Variants in BCAS3 observed in about 807,000 individuals in gnomAD.
BCAS3 encodes BCAS3 microtubule associated cell migration factor.
BCAS3 carries 53 observed loss-of-function variants against 116.1 expected under a neutral mutation model. The ratio of observed to expected loss-of-function variants is 0.46; its 90% CI spans 0.37 to 0.57. The LOEUF is 0.57. Ranked by LOEUF, BCAS3 falls within the 20% of genes least tolerant of loss-of-function variation. BCAS3 has a pLI of 0.00. For synonymous variants in BCAS3, 391 were observed against 408.2 expected (o/e 0.96, Z 0.51); for missense variants, 917 against 1,165.4 (o/e 0.79, Z 3.10).
intron 22 of BCAS3, among the ~76,000 whole-genome samples, chr17:61,341,416 C>T (rs2057141684): frequency 6.6e-6 from 1 of 152,126 alleles, no homozygotes; most frequent in Non-Finnish European, 1.5e-5. Context: ...AGAGAGTGAG[C>T]GTATGGACAC....
In BCAS3 at chr17:60,832,110, T is replaced by G. The variant is rs117714453; in HGVS notation, c.476+24034T>G. Among the ~76,000 whole-genome samples, 320 of 152,310 alleles carry G rather than the reference T, an allele frequency of 2.1e-3. 6 individuals carry two copies. The highest frequency in any genetic ancestry group is 0.017 in the East Asian group (87 of 5,176). On this transcript the variant is annotated intron_variant, in intron 7 of 23. Transcript: ENST00000407086. ...CTATTAAGTATAAAACTGCTGCAAT[T>G]GGTGCCGTTTTAAATTATTAAACAC...
chr17:61,030,955 TA>T (rs201507242), intron 16 of BCAS3, among the ~76,000 whole-genome samples: 4 of 151,026 alleles, frequency 2.6e-5, no homozygotes, highest in East Asian at 1.9e-4. Context: ...ATAACCATTT[TA>T]AAAAAAAATG....
In BCAS3 at chr17:61,381,232, A is replaced by T. The variant is rs1053671604; in HGVS notation, c.2594-10745A>T. Among the ~76,000 whole-genome samples, 1 of 152,228 alleles carries T rather than the reference A, an allele frequency of 6.6e-6. No homozygotes were observed. Among genetic ancestry groups the T allele is most frequent in the Non-Finnish European group, 1.5e-5 (1 of 68,042 alleles). On this transcript the variant is annotated intron_variant, in intron 23 of 23. Coordinates refer to ENST00000407086, the MANE Select transcript of BCAS3 (RefSeq NM_017679.5). This position sits in a 1 kb window ranked among gnomAD's most constrained non-coding sequence, Gnocchi z 6.0. ...TCTTAATACACCAAAGTGGAATTGC[A>T]TTTCTAGATTTGTTATTCCTCCTGG... is the stretch of plus-strand genomic sequence containing the variant.
chr17:60,892,075 C>T (rs2057191961), intron 10 of BCAS3, among the ~76,000 whole-genome samples: 1 of 152,128 alleles, frequency 6.6e-6, no homozygotes, highest in African/African-American at 2.4e-5. Flanking sequence ...AGTTTGGTTC[C>T]ATGACTTTGC....
chr17:60,712,349 C>T (rs970496309), intron 5 of BCAS3, among the ~76,000 whole-genome samples: 3 of 151,116 alleles, frequency 2.0e-5, no homozygotes, highest in African/African-American at 7.4e-5. Context: ...GCACTCCAGC[C>T]TGGGTGACAG....
In BCAS3 at chr17:61,145,057, A is replaced by G. The variant is rs2077121736; in HGVS notation, c.2425+60493A>G. 6.6e-6 allele frequency among the ~76,000 whole-genome samples: 1 copy of G among 152,222 alleles called. No individual in the cohort carries two copies. The highest frequency in any genetic ancestry group is 1.5e-5 in the Non-Finnish European group (1 of 68,036). On this transcript the variant is annotated intron_variant, in intron 22 of 23. Transcript: ENST00000407086. This position sits in a 1 kb window ranked among gnomAD's most constrained non-coding sequence, Gnocchi z 5.0. Reference sequence around the variant, plus strand: ...GATAACAACTCCAGGCCAGCTGTCAAATGTTTACCATTATCAAAACTCTCC... The same window carrying G: ...GATAACAACTCCAGGCCAGCTGTCAGATGTTTACCATTATCAAAACTCTCC...
At chr17:60,983,386 A>T (rs2062931772) in intron 14 of BCAS3, among the ~76,000 whole-genome samples, 2 of 152,144 alleles carry the variant, frequency 1.3e-5, no homozygotes, top group South Asian at 4.1e-4. Flanking sequence ...GTTAACTAAT[A>T]GCAACAGTTA....
chr17:61,320,556 C>A (rs2055129060), intron 22 of BCAS3, among the ~76,000 whole-genome samples: 1 of 151,892 alleles, frequency 6.6e-6, no homozygotes, highest in South Asian at 2.1e-4. Context: ...GTGGCGGGCG[C>A]CTGTACCTGC....
At chr17:60,985,910 T>C (rs1231091242) in intron 14 of BCAS3, among the ~76,000 whole-genome samples, 1 of 152,158 alleles carries the variant, frequency 6.6e-6, no homozygotes, top group African/African-American at 2.4e-5. Flanking sequence ...CTAATTTTTG[T>C]ATTTTTAGTA....
At chr17:60,706,636 A>G (rs1433105922) in intron 4 of BCAS3, among the ~76,000 whole-genome samples, 1 of 151,852 alleles carries the variant, frequency 6.6e-6, no homozygotes, top group Non-Finnish European at 1.5e-5. Context: ...ACCAGCTGGG[A>G]CAACATGACA....
intron 22 of BCAS3, among the ~76,000 whole-genome samples, chr17:61,269,427 A>G (rs1022656229): frequency 2.0e-5 from 3 of 151,840 alleles, no homozygotes; most frequent in African/African-American, 4.8e-5. Flanking sequence ...TATATTTTCA[A>G]TTCTTTTGAA....
intron 13 of BCAS3, among the ~76,000 whole-genome samples, chr17:60,934,353 T>C (rs954648149): frequency 6.6e-6 from 1 of 152,220 alleles, no homozygotes; most frequent in African/African-American, 2.4e-5. Flanking sequence ...TCATGGAATA[T>C]GTGAATGCAT....
intron 7 of BCAS3, among the ~76,000 whole-genome samples, chr17:60,819,742 AC>A (rs1568319841): frequency 7.2e-6 from 1 of 139,614 alleles, no homozygotes; most frequent in Non-Finnish European, 1.5e-5. Flanking sequence ...CTTCCCTCCT[AC>A]CCTCCCCCTC....
rs558514760 is a variant in BCAS3 at position 60,950,216 on chromosome 17, T to C, written c.1221+2864T>C. Among the ~76,000 whole-genome samples, 17 of 152,266 alleles carry C rather than the reference T, an allele frequency of 1.1e-4. No homozygotes were observed. The South Asian group carries it at 3.5e-3, about 32-fold the overall frequency. Reference sequence around the variant, plus strand: ...AGTGATGCAAAAGTATTTACAGATGTCTGGAATTTGCTTTGAAATGATCTA... The same window carrying C: ...AGTGATGCAAAAGTATTTACAGATGCCTGGAATTTGCTTTGAAATGATCTA... On this transcript the variant is annotated intron_variant, in intron 14 of 23. Coordinates refer to ENST00000407086, the MANE Select transcript of BCAS3 (RefSeq NM_017679.5).
intron 10 of BCAS3, among the ~76,000 whole-genome samples, chr17:60,898,549 T>C (rs2057666455): frequency 6.6e-6 from 1 of 152,164 alleles, no homozygotes; most frequent in African/African-American, 2.4e-5. Context: ...TGCTGGAGAC[T>C]GGGATGCCAG....
At chr17:60,812,564 G>A (rs930337965) in intron 7 of BCAS3, among the ~76,000 whole-genome samples, 3 of 152,148 alleles carry the variant, frequency 2.0e-5, no homozygotes, top group Admixed American at 6.5e-5. Flanking sequence ...AGATTAAGTT[G>A]CTCCAGGGGA....
At chr17:61,142,964 CAGA>C (rs1004826927) in intron 22 of BCAS3, among the ~76,000 whole-genome samples, 2 of 152,148 alleles carry the variant, frequency 1.3e-5, no homozygotes, top group African/African-American at 4.8e-5. Context: ...TGGTTTTTCT[CAGA>C]AGCTTTTTCT....
At chr17:61,153,360 A>G (rs573981512) in intron 22 of BCAS3, among the ~76,000 whole-genome samples, 1 of 152,216 alleles carries the variant, frequency 6.6e-6, no homozygotes, top group Non-Finnish European at 1.5e-5. Flanking sequence ...CTTTGAGAAT[A>G]TCATTCCTGC....
chr17:60,876,923 C>A (rs1239497107), intron 9 of BCAS3, among the ~76,000 whole-genome samples: 2 of 151,810 alleles, frequency 1.3e-5, no homozygotes, highest in African/African-American at 4.8e-5. Context: ...TTTTTTTGTT[C>A]TCTTAATAAT....
Sources: gnomAD v4.1 joint callset for allele counts (sites outside exome capture counted in the v4.1 genomes callset) on GRCh38, gnomAD v4.1.1 for gene constraint, Gnocchi (gnomAD v3.1) non-coding constraint, MANE v1.5 for transcripts, NCBI Gene and HGNC (gene_info 2026-07-23, HGNC 2026-07-21) for gene names.